CLTCL1: variants seen among roughly 807,000 people sequenced by gnomAD.
The protein encoded by CLTCL1 is clathrin heavy chain 2.
Under a neutral mutation model 190.0 loss-of-function variants are expected in CLTCL1, and 159 were observed. That is an observed-to-expected ratio of 0.84 (90% CI 0.74 to 0.95). CLTCL1 has a LOEUF of 0.95. CLTCL1 is among the 40% of genes least tolerant of loss of function. The pLI is 0.00. For synonymous variants in CLTCL1, 752 were observed against 769.6 expected, an observed-to-expected ratio of 0.98 and a Z score of 0.38; for missense variants, 1,878 against 2,033.4, an observed-to-expected ratio of 0.92 and a Z score of 1.47.
chr22:19,252,821 T>C (rs1209683211), intron 3 of CLTCL1, among the ~76,000 whole-genome samples: 3 of 152,288 alleles, frequency 2.0e-5, no homozygotes, highest in South Asian at 2.1e-4. Flanking sequence ...AAGGCCATCC[T>C]GGCTAACACG....
At chr22:19,194,225 G>A (rs1555934181) in intron 26 of CLTCL1, among the ~76,000 whole-genome samples, 2 of 152,132 alleles carry the variant, frequency 1.3e-5, no homozygotes, top group Admixed American at 6.6e-5. Context: ...GTCCCCACCC[G>A]ACCCAAGAAG....
intron 2 of CLTCL1, chr22:19,257,717 T>G (rs1555973356): frequency 9.0e-7 from 1 of 1,116,108 alleles, no homozygotes; most frequent in Non-Finnish European, 1.2e-6. Context: ...CCCTGGCCAC[T>G]GGGATGGCCA....
chr22:19,277,374 G>T (rs1382526379), intron 1 of CLTCL1, among the ~76,000 whole-genome samples: 2 of 152,178 alleles, frequency 1.3e-5, no homozygotes, highest in Non-Finnish European at 2.9e-5. Flanking sequence ...GCTGATTAAT[G>T]ATGGAGCCAG....
intron 1 of CLTCL1, among the ~76,000 whole-genome samples, chr22:19,288,058 C>T (rs2087970539): frequency 6.6e-6 from 1 of 152,124 alleles, no homozygotes; most frequent in Non-Finnish European, 1.5e-5. Flanking sequence ...CTTGCACCAG[C>T]CCACCCAGGA....
At chr22:19,193,990 C>T (rs180905944) in intron 26 of CLTCL1, among the ~76,000 whole-genome samples, 47 of 152,324 alleles carry the variant, frequency 3.1e-4, no homozygotes, top group African/African-American at 1.1e-3. Flanking sequence ...CTCGCATGGC[C>T]AGCTTTTATT....
intron 22 of CLTCL1, among the ~76,000 whole-genome samples, chr22:19,203,445 C>T (rs1342612661): frequency 1.3e-5 from 2 of 152,158 alleles, no homozygotes; most frequent in African/African-American, 4.8e-5. Flanking sequence ...AACAGTTGTC[C>T]CCTGTCTTCC....
chr22:19,202,403 C>T (rs1555940253), intron 22 of CLTCL1, among the ~76,000 whole-genome samples: 18 of 134,270 alleles, frequency 1.3e-4, no homozygotes, highest in East Asian at 4.9e-4. Flanking sequence ...ACCCTCCTTC[C>T]GCCATCCACG....
intron 22 of CLTCL1, 80 bp from the exon 23 acceptor site, chr22:19,201,573 G>A (rs2084887998): frequency 1.4e-6 from 2 of 1,424,354 alleles, no homozygotes; most frequent in Admixed American, 1.8e-5. Context: ...TTCCTAGATG[G>A]CAGAGGTATT....
chr22:19,225,722 CCT>C (rs1310463390), intron 12 of CLTCL1, 89 bp from the exon 13 acceptor site: 14 of 1,193,440 alleles, frequency 1.2e-5, no homozygotes, highest in African/African-American at 3.1e-5. Context: ...CTCCTGTTCC[CCT>C]GAGTGTCAAA....
chr22:19,180,048 G>A lies in CLTCL1; in HGVS notation c.*21-79C>T, dbSNP rs116580497. The A allele has an allele frequency of 2.0e-3, 1,337 of 664,706 alleles. 12 individuals carry two copies. The highest frequency in any genetic ancestry group is 0.018 in the African/African-American group (991 of 55,040). 41.2% of individuals were successfully genotyped at this position (664,706 alleles called of 1,614,324 possible). ...TCTCCTGGCTGCCCCTGAGTAGCCC[G>A]GGGCCCAGGGAGCAGGGTCTATAGG... On this transcript the variant is annotated intron_variant, in intron 32 of 32. Coordinates refer to ENST00000427926, the MANE Select transcript of CLTCL1 (RefSeq NM_007098.4).
At position 19,275,659 on chromosome 22, in the gene CLTCL1, T is replaced by A; in HGVS notation, c.214A>T (p.Ile72Phe). ...IRRPISAESA[I>F]MNPASKVIAL... ...ATCACCTTAGAGGCTGGATTCATGATGGCACTCTCTGCAGAGATAGGCCGT... is the reference window on the plus strand; with the variant it reads ...ATCACCTTAGAGGCTGGATTCATGAAGGCACTCTCTGCAGAGATAGGCCGT... The change falls in exon 2 of 33, where the codon ATC (isoleucine) becomes TTC (phenylalanine). Residue 72 changes from isoleucine to phenylalanine, a missense_variant. Transcript: ENST00000427926. 1.2e-6 allele frequency: 2 copies of A among 1,606,776 alleles called. No individual in the cohort carries two copies. The highest frequency in any genetic ancestry group is 2.2e-5 in the East Asian group (1 of 44,706).
At chr22:19,277,885 G>C (rs992789512) in intron 1 of CLTCL1, among the ~76,000 whole-genome samples, 1 of 152,144 alleles carries the variant, frequency 6.6e-6, no homozygotes, top group African/African-American at 2.4e-5. Context: ...GACACTAATC[G>C]CAAGCCCCAG....
At position 19,266,741 on chromosome 22, in the gene CLTCL1, T is replaced by C. The variant is rs113585845; in HGVS notation, c.250+8882A>G. ...AGAGATTTACCACAGGAATGCAAGGTTGGCTTAATAGCCAATAATTAATTT... is the reference window on the plus strand; with the variant it reads ...AGAGATTTACCACAGGAATGCAAGGCTGGCTTAATAGCCAATAATTAATTT... On this transcript the variant is annotated intron_variant, in intron 2 of 32. Coordinates refer to ENST00000427926, the MANE Select transcript of CLTCL1 (RefSeq NM_007098.4). Among the ~76,000 whole-genome samples the C allele has an allele frequency of 2.8e-3, 427 of 152,014 alleles. 4 individuals are homozygous for C. Among genetic ancestry groups the C allele is most frequent in the African/African-American group, 9.5e-3 (393 of 41,460 alleles).
At chr22:19,287,587 CTGGAG>C (rs1555990868) in intron 1 of CLTCL1, among the ~76,000 whole-genome samples, 7 of 152,110 alleles carry the variant, frequency 4.6e-5, no homozygotes, top group Non-Finnish European at 1.0e-4. Context: ...TGCCTGTGTG[CTGGAG>C]AATGGATCAC....
intron 22 of CLTCL1, among the ~76,000 whole-genome samples, chr22:19,205,007 G>A (rs1170020221): frequency 6.6e-6 from 1 of 152,150 alleles, no homozygotes; most frequent in African/African-American, 2.4e-5. Flanking sequence ...CCCAGAGGGG[G>A]ATTGGGGGCA....
intron 2 of CLTCL1, among the ~76,000 whole-genome samples, chr22:19,271,840 C>T (rs2087332224): frequency 6.6e-6 from 1 of 152,150 alleles, no homozygotes; most frequent in African/African-American, 2.4e-5. Flanking sequence ...ATTGAGGTGG[C>T]TCACATCAGT....
Position 19,221,548 on chromosome 22 carries a change from A to G in CLTCL1, c.2625T>C (p.Thr875=). The G allele has an allele frequency of 6.2e-7, 1 of 1,605,230 alleles. No individual in the cohort carries two copies. The highest frequency in any genetic ancestry group is 8.5e-7 in the Non-Finnish European group (1 of 1,175,860). The change falls in exon 17 of 33, where the codon ACT becomes ACC. Residue 875 remains threonine, a synonymous_variant. Transcript: ENST00000427926. ...QIQEGCEEPA[T]HNALAKIYID... ...TGTAGATTTTAGCCAGTGCATTGTG[A>G]GTGGCAGGCTCCTCACAGCCTTCCT...
intron 18 of CLTCL1, among the ~76,000 whole-genome samples, chr22:19,219,574 C>A (rs561473344): frequency 5.9e-5 from 9 of 152,138 alleles, no homozygotes; most frequent in African/African-American, 2.2e-4. Context: ...ACCTCCACCC[C>A]CTGGGTTCAA....
intron 2 of CLTCL1, among the ~76,000 whole-genome samples, chr22:19,267,755 C>A (rs1469418281): frequency 1.3e-5 from 2 of 152,046 alleles, no homozygotes; most frequent in African/African-American, 4.8e-5. Context: ...ACTAGCCAGG[C>A]ATGGTGGCAG....
Sources: allele counts gnomAD v4.1 joint callset (sites outside exome capture counted in the v4.1 genomes callset), GRCh38; gene constraint gnomAD v4.1.1; transcripts MANE v1.5; gene names NCBI Gene and HGNC (gene_info 2026-07-23, HGNC 2026-07-21).